PPP4R2: variants seen among roughly 807,000 people sequenced by gnomAD.
PPP4R2 encodes the protein serine/threonine-protein phosphatase 4 regulatory subunit 2.
A neutral mutation model predicts 47.2 loss-of-function variants in PPP4R2; 13 were observed. The ratio of observed to expected loss-of-function variants is 0.28; its 90% confidence interval spans 0.18 to 0.44. PPP4R2 has a LOEUF of 0.44. Among genes scored for constraint, PPP4R2 ranks in the 20% least tolerant of loss-of-function variants. PPP4R2 has a pLI of 1.00. For missense variants in PPP4R2, 421 were observed against 491.2 expected, an observed-to-expected ratio of 0.86 and a Z score of 1.35; for synonymous variants, 151 against 163.3, an observed-to-expected ratio of 0.92 and a Z score of 0.57.
intron 3 of PPP4R2, among the ~76,000 whole-genome samples, chr3:73,052,809 A>G (rs1210278079): frequency 6.6e-6 from 1 of 152,174 alleles, no homozygotes; most frequent in Non-Finnish European, 1.5e-5. Flanking sequence ...GTTCCTATAT[A>G]TTTATGAGGA....
In PPP4R2 at chr3:72,997,078, G is replaced by T; in HGVS notation, c.34+7G>T. The T allele has an allele frequency of 2.9e-6, 4 of 1,391,632 alleles. No homozygotes were observed. Among genetic ancestry groups the T allele is most frequent in the African/African-American group, 1.5e-5 (1 of 67,714 alleles). The allele number at this position is 1,391,632 out of a possible 1,614,324, so 86.2% of individuals were successfully genotyped here. ...CTCCAGGAGGCGCTGAAAGGTGGGG[G>T]TAGCTGCCCCCTCTCCATTCCCCCT... On this transcript the variant is annotated splice_region_variant and intron_variant, in intron 1 of 8. Transcript: ENST00000356692.
At chr3:73,062,777 C>T (rs1422644126) in intron 5 of PPP4R2, 2 of 1,613,806 alleles carry the variant, frequency 1.2e-6, no homozygotes, top group African/African-American at 2.7e-5. Context: ...ATCTGCTAAT[C>T]AGCTGCAATG....
At chr3:73,064,618 T>G (rs1273161122) in intron 7 of PPP4R2, among the ~76,000 whole-genome samples, 1 of 152,184 alleles carries the variant, frequency 6.6e-6, no homozygotes, top group African/African-American at 2.4e-5. Flanking sequence ...AATATTTAAC[T>G]TACTGGAGAA....
At chr3:73,000,797 C>G (rs1001003861) in intron 2 of PPP4R2, among the ~76,000 whole-genome samples, 2 of 152,158 alleles carry the variant, frequency 1.3e-5, no homozygotes, top group African/African-American at 4.8e-5. Context: ...AATGTAGTTT[C>G]TGACATCATG....
At chr3:73,020,689 AAAGT>A (rs1701942283) in intron 2 of PPP4R2, among the ~76,000 whole-genome samples, 1 of 151,706 alleles carries the variant, frequency 6.6e-6, no homozygotes, top group Admixed American at 6.6e-5. Context: ...AAAAAAAAAA[AAAGT>A]TAAAAAACTT....
intron 2 of PPP4R2, among the ~76,000 whole-genome samples, chr3:73,011,671 A>ATTCC (rs1023660506): frequency 5.3e-5 from 8 of 152,098 alleles, no homozygotes; most frequent in Admixed American, 4.6e-4. Flanking sequence ...AACATTTGTA[A>ATTCC]TTTTGACTAT....
intron 2 of PPP4R2, among the ~76,000 whole-genome samples, chr3:73,017,980 T>C (rs1037160567): frequency 1.3e-5 from 2 of 152,260 alleles, no homozygotes; most frequent in Middle Eastern, 3.4e-3. Context: ...AACAATATTT[T>C]GTTACTGTAT....
chr3:73,063,117 A>G (rs1702905733), intron 5 of PPP4R2: 1 of 542,978 alleles, frequency 1.8e-6, no homozygotes, highest in Non-Finnish European at 3.3e-6. Flanking sequence ...GAATGTTCCC[A>G]AACTTAGCAA....
Position 73,059,147 on chromosome 3 carries a change from T to C in PPP4R2, c.381+17T>C. On this transcript the variant is annotated intron_variant, in intron 4 of 8. Transcript: ENST00000356692. The stretch of plus-strand genomic sequence containing the variant: ...GTAGAAAAGGTATTTATTTTATTAT[T>C]GGAATTATATTATGCTGTGGTGTAA... 7.8e-7 allele frequency: 1 copy of C among 1,277,906 alleles called. No individual in the cohort carries two copies. The highest frequency in any genetic ancestry group is 1.9e-4 in the Middle Eastern group (1 of 5,344). The allele number at this position is 1,277,906 out of a possible 1,614,324, so 79.2% of individuals were successfully genotyped here.
chr3:73,041,285 C>A (rs894219897), intron 2 of PPP4R2, among the ~76,000 whole-genome samples: 2 of 152,164 alleles, frequency 1.3e-5, no homozygotes, highest in Non-Finnish European at 2.9e-5. Flanking sequence ...AAAAGAATCT[C>A]TTGTTTCGTG....
At chr3:73,053,924 A>AAAAAG (rs1339701674) in intron 3 of PPP4R2, among the ~76,000 whole-genome samples, 1 of 150,864 alleles carries the variant, frequency 6.6e-6, no homozygotes, top group African/African-American at 2.4e-5. Context: ...AAAAAAAAAA[A>AAAAAG]GCGAAATCTG....
At chr3:73,047,045 C>T in intron 2 of PPP4R2, 141 bp from the exon 3 acceptor site, 1 of 571,122 alleles carries the variant, frequency 1.8e-6, no homozygotes, top group East Asian at 3.0e-5. Flanking sequence ...GTGTGCTCTT[C>T]AATGACGGCA....
At chr3:73,034,060 C>T (rs1009207589) in intron 2 of PPP4R2, among the ~76,000 whole-genome samples, 3 of 152,190 alleles carry the variant, frequency 2.0e-5, no homozygotes, top group Non-Finnish European at 4.4e-5. Context: ...CTCACCAGTG[C>T]TTGTTATTTT....
chr3:73,057,355 C>G (rs114396758), intron 3 of PPP4R2, among the ~76,000 whole-genome samples: 2,935 of 152,204 alleles, frequency 0.019, 40 homozygotes, highest in Middle Eastern at 0.044. Context: ...CTTTGTACTT[C>G]CCCATTTAAA....
rs941468039 is a variant in PPP4R2 at position 73,065,781 on chromosome 3, A to G, written c.*59A>G. 2.1e-5 allele frequency: 25 copies of G among 1,196,284 alleles called. No homozygotes were observed. Among genetic ancestry groups the G allele is most frequent in the Non-Finnish European group, 2.9e-5 (25 of 863,238 alleles). 74.1% of individuals were successfully genotyped at this position (1,196,284 alleles called of 1,614,324 possible). On this transcript the variant is annotated 3_prime_UTR_variant, in exon 9 of 9. Coordinates refer to ENST00000356692, the MANE Select transcript of PPP4R2 (RefSeq NM_174907.4). ...TACAGTTCTGGTTTTAACACTGTATAAAACTTTTGTGTAATAAAATGGACC... is the reference window on the plus strand; with the variant it reads ...TACAGTTCTGGTTTTAACACTGTATGAAACTTTTGTGTAATAAAATGGACC...
intron 2 of PPP4R2, among the ~76,000 whole-genome samples, chr3:73,000,328 A>C (rs1297826884): frequency 6.6e-6 from 1 of 151,926 alleles, no homozygotes; most frequent in Non-Finnish European, 1.5e-5. Flanking sequence ...ACAGAGTGAG[A>C]CTCTGTCTCA....
intron 2 of PPP4R2, among the ~76,000 whole-genome samples, chr3:73,028,834 A>C (rs1029850381): frequency 6.6e-6 from 1 of 152,034 alleles, no homozygotes; most frequent in Non-Finnish European, 1.5e-5. Context: ...CTGTGGCTGA[A>C]GTAGACTGAT....
intron 2 of PPP4R2, among the ~76,000 whole-genome samples, chr3:73,000,967 A>T (rs1446846302): frequency 6.6e-6 from 1 of 152,194 alleles, no homozygotes; most frequent in East Asian, 1.9e-4. Flanking sequence ...CCATTTGGTC[A>T]GTGGTAGCCT....
chr3:73,051,200 C>T (rs1376548261), intron 3 of PPP4R2, among the ~76,000 whole-genome samples: 2 of 152,214 alleles, frequency 1.3e-5, no homozygotes, highest in African/African-American at 2.4e-5. Flanking sequence ...CAGGCATGAG[C>T]CACCGCACCT....
Sources: allele counts gnomAD v4.1 joint callset (sites outside exome capture counted in the v4.1 genomes callset), GRCh38; gene constraint gnomAD v4.1.1; transcripts MANE v1.5; gene names NCBI Gene and HGNC (gene_info 2026-07-23, HGNC 2026-07-21).